Variants in BCL11A observed in about 807,000 individuals in gnomAD.
BCL11A encodes BCL11 transcription factor A, also known as B cell CLL/lymphoma 11A.
A neutral mutation model predicts 55.9 loss-of-function variants in BCL11A; 2 were observed. The observed-to-expected ratio is 0.04, with a 90% CI of 0.01 to 0.11. BCL11A has a LOEUF of 0.11. Ranked by LOEUF, BCL11A falls within the 10% of genes least tolerant of loss-of-function variation. BCL11A has a pLI of 1.00. For missense variants in BCL11A, 817 were observed against 1,137.1 expected, an observed-to-expected ratio of 0.72 and a Z score of 4.05; for synonymous variants, 465 against 473.4, an observed-to-expected ratio of 0.98 and a Z score of 0.23.
rs1035169575 is a variant in BCL11A at position 60,461,197 on chromosome 2, C to T, written c.1715G>A (p.Arg572His). 3.8e-5 allele frequency: 61 copies of T among 1,612,336 alleles called. No homozygotes were observed. The highest frequency in any genetic ancestry group is 4.9e-5 in the Non-Finnish European group (58 of 1,179,850). ...FHQVLGEKHK[R>H]GHLAEAEGHR... ...GCCCTCGGCCTCGGCCAGGTGGCCGCGCTTATGCTTCTCGCCCAGGACCTG... is the reference window on the plus strand; with the variant it reads ...GCCCTCGGCCTCGGCCAGGTGGCCGTGCTTATGCTTCTCGCCCAGGACCTG... The change falls in exon 4 of 4, where the codon CGC (arginine) becomes CAC (histidine). Residue 572 changes from arginine to histidine, a missense_variant. Physicochemically the swap from Arg to His is conservative, Grantham distance 29. Transcript: ENST00000642384.
chr2:60,503,720 T>C (rs1397237224), intron 2 of BCL11A, among the ~76,000 whole-genome samples: 1 of 152,076 alleles, frequency 6.6e-6, no homozygotes, highest in African/African-American at 2.4e-5. Context: ...GCCAGGGAAA[T>C]GTGACATTTT....
At chr2:60,455,470 G>A (rs1353463556), downstream of BCL11A, among the ~76,000 whole-genome samples, 2 of 152,232 alleles carry the variant, frequency 1.3e-5, no homozygotes, top group Admixed American at 6.5e-5. Context: ...ATCAGAAGGC[G>A]TCAATAAGTC....
At chr2:60,503,255 G>T (rs1036340197) in intron 2 of BCL11A, among the ~76,000 whole-genome samples, 1 of 152,182 alleles carries the variant, frequency 6.6e-6, no homozygotes, top group Admixed American at 6.5e-5. Flanking sequence ...CTGACCAGGT[G>T]GAAAGCCAGA....
intron 2 of BCL11A, among the ~76,000 whole-genome samples, chr2:60,488,527 T>C (rs1678421304): frequency 6.6e-6 from 1 of 152,224 alleles, no homozygotes; most frequent in Admixed American, 6.5e-5. Context: ...GACACAGAAC[T>C]CAGTGCTACT....
chr2:60,477,279 G>A (rs548479071), intron 2 of BCL11A, among the ~76,000 whole-genome samples: 1 of 152,336 alleles, frequency 6.6e-6, no homozygotes, highest in South Asian at 2.1e-4. Flanking sequence ...TGCCAGAGCA[G>A]AGAAGGGCTT....
At position 60,457,648 on chromosome 2, in the gene BCL11A, T is replaced by A; in HGVS notation, c.*2756A>T. On this transcript the variant is annotated 3_prime_UTR_variant, in exon 4 of 4. Transcript: ENST00000642384. ...TAAAGCACCATTTAGTTTTTGGCAA[T>A]GAAAAAAACTGCAAAACATTGGTTT... 6 of 1,039,980 alleles carry A rather than the reference T, an allele frequency of 5.8e-6. No individual in the cohort carries two copies. The highest frequency in any genetic ancestry group is 6.9e-6 in the Non-Finnish European group (6 of 863,614). The allele number at this position is 1,039,980 out of a possible 1,614,324, so 64.4% of individuals were successfully genotyped here. A position where few individuals can be genotyped will look rare whatever the true frequency, so the allele number is the denominator to read the frequency against.
intron 2 of BCL11A, among the ~76,000 whole-genome samples, chr2:60,518,068 G>T (rs1433853644): frequency 6.6e-6 from 1 of 152,164 alleles, no homozygotes; most frequent in African/African-American, 2.4e-5. Flanking sequence ...ACAGAGGGAA[G>T]ATTGCTTGAA....
In BCL11A at chr2:60,545,616, C is replaced by T; in HGVS notation, c.385+355G>A. 2 of 219,650 alleles carry T rather than the reference C, an allele frequency of 9.1e-6. 1 individual carries two copies. The highest frequency in any genetic ancestry group is 1.4e-4 in the South Asian group (2 of 14,678). The allele number at this position is 219,650 out of a possible 1,614,324, so 13.6% of individuals were successfully genotyped here. A position where few individuals can be genotyped will look rare whatever the true frequency, so the allele number is the denominator to read the frequency against. On this transcript the variant is annotated intron_variant, in intron 2 of 3. Coordinates refer to ENST00000642384, the MANE Select transcript of BCL11A (RefSeq NM_022893.4). The stretch of plus-strand genomic sequence containing the variant: ...TGGCCACTTTGCCTCTGACACGTCA[C>T]CAAGGCTGGAAATGGACAATGGAAG...
intron 2 of BCL11A, among the ~76,000 whole-genome samples, chr2:60,485,096 G>A (rs77233337): frequency 6.6e-6 from 1 of 152,190 alleles, no homozygotes; most frequent in African/African-American, 2.4e-5. Context: ...GGCATCCCTT[G>A]CAGCCACAAT....
At chr2:60,464,127 A>G (rs903123862) in intron 3 of BCL11A, among the ~76,000 whole-genome samples, 1 of 152,208 alleles carries the variant, frequency 6.6e-6, no homozygotes, top group Non-Finnish European at 1.5e-5. Context: ...AATTTACTTT[A>G]CAACGCATTT....
rs970024578 is a variant in BCL11A at position 60,459,978 on chromosome 2, C to T, written c.*426G>A. On this transcript the variant is annotated 3_prime_UTR_variant, in exon 4 of 4. Transcript: ENST00000642384. ...TCTCTCAGAACGGAACTGGAAACAGCAACATGTTTGCTCAGCAACGAATTA... is the reference window on the plus strand; with the variant it reads ...TCTCTCAGAACGGAACTGGAAACAGTAACATGTTTGCTCAGCAACGAATTA... 9.4e-7 allele frequency: 1 copy of T among 1,066,624 alleles called. No individual in the cohort carries two copies. Among genetic ancestry groups the T allele is most frequent in the South Asian group, 4.5e-5 (1 of 22,140 alleles). The allele number at this position is 1,066,624 out of a possible 1,614,324, so 66.1% of individuals were successfully genotyped here.
At chr2:60,477,984 A>C (rs1383805017) in intron 2 of BCL11A, among the ~76,000 whole-genome samples, 2 of 148,116 alleles carry the variant, frequency 1.4e-5, no homozygotes, top group Non-Finnish European at 3.0e-5. Context: ...TTTAATTGAG[A>C]CATGGTCTCA....
intron 2 of BCL11A, among the ~76,000 whole-genome samples, chr2:60,488,656 A>C (rs1204294691): frequency 6.6e-6 from 1 of 152,210 alleles, no homozygotes; most frequent in Non-Finnish European, 1.5e-5. Flanking sequence ...CTTAACATGA[A>C]AATAATAACA....
chr2:60,453,628 T>G (rs769923040), downstream of BCL11A, among the ~76,000 whole-genome samples: 1 of 152,236 alleles, frequency 6.6e-6, no homozygotes, highest in Non-Finnish European at 1.5e-5. Flanking sequence ...GTCACTGTCG[T>G]CGAGGCCCCT....
chr2:60,519,179 G>T (rs2104542432), intron 2 of BCL11A, among the ~76,000 whole-genome samples: 1 of 152,302 alleles, frequency 6.6e-6, no homozygotes, highest in African/African-American at 2.4e-5. Context: ...TACAAAAAAA[G>T]AAATAGGTGT....
intron 2 of BCL11A, among the ~76,000 whole-genome samples, chr2:60,470,127 A>G (rs535869855): frequency 6.6e-6 from 1 of 152,260 alleles, no homozygotes; most frequent in Admixed American, 6.5e-5. Context: ...TGTGCTGCTG[A>G]GAAGGCTCTT....
chr2:60,500,396 C>T (rs1301197190), intron 2 of BCL11A, among the ~76,000 whole-genome samples: 2 of 152,198 alleles, frequency 1.3e-5, no homozygotes, highest in Non-Finnish European at 2.9e-5. Flanking sequence ...TGTGGGCTGA[C>T]AGATGTGCCT....
intron 3 of BCL11A, among the ~76,000 whole-genome samples, chr2:60,462,891 C>T (rs754319638): frequency 2.6e-5 from 4 of 152,170 alleles, no homozygotes; most frequent in Non-Finnish European, 5.9e-5. Context: ...CCCTGGGTGA[C>T]AGGTGAACTT....
At chr2:60,467,068 GGC>G in intron 3 of BCL11A, among the ~76,000 whole-genome samples, 1 of 151,278 alleles carries the variant, frequency 6.6e-6, no homozygotes, top group Admixed American at 6.6e-5. Context: ...AAATGGTGGT[GGC>G]AGTGGTGGTG....
Sources: gnomAD v4.1 joint callset for allele counts (sites outside exome capture counted in the v4.1 genomes callset) on GRCh38, gnomAD v4.1.1 for gene constraint, MANE v1.5 for transcripts, NCBI Gene and HGNC (gene_info 2026-07-23, HGNC 2026-07-21) for gene names.